Variants in ENKUR observed in about 807,000 individuals in gnomAD.
ENKUR encodes enkurin.
ENKUR carries 19 observed loss-of-function variants against 27.6 expected under a neutral mutation model. That is an observed-to-expected ratio of 0.69 (90% confidence interval 0.48 to 1.01). The LOEUF is 1.01. ENKUR is among the 50% of genes least tolerant of loss of function. The pLI is 0.00. For missense variants in ENKUR, 312 were observed against 310.5 expected (o/e 1.00, Z -0.04); for synonymous variants, 117 against 96.9 (o/e 1.21, Z -1.22).
intron 2 of ENKUR, among the ~76,000 whole-genome samples, chr10:25,029,413 CAAT>C (rs892466184): frequency 6.1e-4 from 93 of 152,130 alleles, no homozygotes; most frequent in African/African-American, 2.2e-3. Flanking sequence ...GTTTAGAAGA[CAAT>C]AAATTGTTTT....
chr10:25,026,698 G>C (rs1048355890), intron 2 of ENKUR: 3 of 155,940 alleles, frequency 1.9e-5, no homozygotes, highest in African/African-American at 7.2e-5. Flanking sequence ...CCACAAGATG[G>C]CATTCCTAAC....
At chr10:25,031,987 A>G (rs929192777) in intron 2 of ENKUR, among the ~76,000 whole-genome samples, 3 of 152,038 alleles carry the variant, frequency 2.0e-5, no homozygotes, top group Non-Finnish European at 2.9e-5. Flanking sequence ...GAATTTAATT[A>G]TAGTTAGAAA....
intron 2 of ENKUR, chr10:25,025,777 G>A (rs182984732): frequency 1.3e-5 from 3 of 229,180 alleles, no homozygotes; most frequent in East Asian, 1.9e-4. Context: ...ACTATTTGGC[G>A]ATTAAAATAT....
At chr10:25,041,073 A>G (rs1355697051) in intron 2 of ENKUR, among the ~76,000 whole-genome samples, 2 of 152,238 alleles carry the variant, frequency 1.3e-5, no homozygotes, top group Admixed American at 1.3e-4. Context: ...TTTAGACAAC[A>G]CTGTAAATAG....
rs1303896016 is a variant in ENKUR, at chr10:24,983,414, A to G, written c.*956T>C. ...GACCTGCTCACAGCAAAGTACTGCT[A>G]TGTTAGCAAGAATTGAATATGTGTT... is the stretch of plus-strand genomic sequence containing the variant. On this transcript the variant is annotated 3_prime_UTR_variant, in exon 6 of 6. Coordinates refer to ENST00000331161, the MANE Select transcript of ENKUR (RefSeq NM_145010.4). 6.6e-6 allele frequency: 1 copy of G among 152,208 alleles called. No homozygotes were observed. The highest frequency in any genetic ancestry group is 6.5e-5 in the Admixed American group (1 of 15,276). 9.4% of individuals were successfully genotyped at this position (152,208 alleles called of 1,614,324 possible). A position where few individuals can be genotyped will look rare whatever the true frequency, so the allele number is the denominator to read the frequency against.
chr10:24,992,878 C>A (rs944843970), intron 3 of ENKUR, among the ~76,000 whole-genome samples: 1 of 152,148 alleles, frequency 6.6e-6, no homozygotes, highest in African/African-American at 2.4e-5. Context: ...TGAGACAGGC[C>A]AATCCACTTC....
intron 2 of ENKUR, among the ~76,000 whole-genome samples, chr10:25,036,415 A>G (rs1469009972): frequency 1.3e-5 from 2 of 152,220 alleles, no homozygotes. Flanking sequence ...TTCTTTAAAA[A>G]TTACCCGATC....
intron 1 of ENKUR, among the ~76,000 whole-genome samples, chr10:25,010,032 G>A (rs548676005): frequency 2.0e-4 from 30 of 152,272 alleles, no homozygotes; most frequent in African/African-American, 7.0e-4. Context: ...ATGTGAAAGC[G>A]ACTTTGGAAC....
chr10:25,041,108 CT>C (rs566335194), intron 2 of ENKUR, among the ~76,000 whole-genome samples: 2 of 152,018 alleles, frequency 1.3e-5, no homozygotes, highest in East Asian at 1.9e-4. Context: ...ATTTTAGTCA[CT>C]TTTTTTTCAT....
intron 1 of ENKUR, among the ~76,000 whole-genome samples, chr10:25,009,171 G>A (rs1850382322): frequency 6.6e-6 from 1 of 151,960 alleles, no homozygotes; most frequent in Non-Finnish European, 1.5e-5. Flanking sequence ...TGAGTTAATG[G>A]GTGCAACACA....
rs549790255 is a variant in ENKUR at position 24,983,745 on chromosome 10, A to G, written c.*625T>C. ...TTGTTTTTTATGTTGTCCAGAGGAT[A>G]AAAACCAGTGTAAGCAGTAGAAATT... On this transcript the variant is annotated 3_prime_UTR_variant, in exon 6 of 6. Transcript: ENST00000331161. 1 of 152,330 alleles carries G rather than the reference A, an allele frequency of 6.6e-6. No homozygotes were observed. Among genetic ancestry groups the G allele is most frequent in the East Asian group, 1.9e-4 (1 of 5,184 alleles). 9.4% of individuals were successfully genotyped at this position (152,330 alleles called of 1,614,324 possible).
chr10:24,994,069 T>C (rs1849985667), intron 3 of ENKUR, among the ~76,000 whole-genome samples: 1 of 152,182 alleles, frequency 6.6e-6, no homozygotes, highest in South Asian at 2.1e-4. Flanking sequence ...TGGGAACTCC[T>C]AGATTCCTGA....
intron 2 of ENKUR, among the ~76,000 whole-genome samples, chr10:25,032,996 A>G (rs1293558954): frequency 6.6e-6 from 1 of 152,196 alleles, no homozygotes; most frequent in Admixed American, 6.5e-5. Context: ...GCAATTAACA[A>G]TCCTGATTAA....
intron 2 of ENKUR, among the ~76,000 whole-genome samples, chr10:25,056,273 T>C (rs1851254609): frequency 6.6e-6 from 1 of 152,208 alleles, no homozygotes; most frequent in Non-Finnish European, 1.5e-5. Flanking sequence ...CTATAGGCTG[T>C]ATACAGAGAT....
chr10:24,989,856 C>T (rs1335986012), intron 4 of ENKUR, among the ~76,000 whole-genome samples: 2 of 152,044 alleles, frequency 1.3e-5, no homozygotes, highest in African/African-American at 4.8e-5. Context: ...ATTAAACGCT[C>T]ATACAAATGA....
chr10:25,028,074 A>G (rs1331859353), intron 2 of ENKUR, among the ~76,000 whole-genome samples: 1 of 152,222 alleles, frequency 6.6e-6, no homozygotes, highest in African/African-American at 2.4e-5. Context: ...CATAGAATCT[A>G]AGATGAATCT....
In ENKUR at chr10:25,015,983, C is replaced by T; in HGVS notation, c.-47G>A. On this transcript the variant is annotated 5_prime_UTR_variant, in exon 1 of 6. Coordinates refer to ENST00000331161, the MANE Select transcript of ENKUR (RefSeq NM_145010.4). ...AAGCTACTCTCCACAACTTTTTTCT[C>T]CCTGTCCCAGTATCTCCGTCCCTTT... 6.3e-7 allele frequency: 1 copy of T among 1,582,966 alleles called. No individual in the cohort carries two copies. Among genetic ancestry groups the T allele is most frequent in the Admixed American group, 1.8e-5 (1 of 54,750 alleles).
At chr10:25,023,112 A>G (rs928287065) in intron 2 of ENKUR, 1 of 1,014,034 alleles carries the variant, frequency 9.9e-7, no homozygotes, top group South Asian at 1.7e-5. Flanking sequence ...GATTTTAACA[A>G]TCTACTGTAA....
chr10:24,986,581 T>C (rs1253969602), intron 4 of ENKUR, among the ~76,000 whole-genome samples: 2 of 152,204 alleles, frequency 1.3e-5, no homozygotes, highest in African/African-American at 4.8e-5. Context: ...TCTATGTATT[T>C]GTACATTTGC....
Sources: gnomAD v4.1 joint callset for allele counts (sites outside exome capture counted in the v4.1 genomes callset) on GRCh38, gnomAD v4.1.1 for gene constraint, MANE v1.5 for transcripts, NCBI Gene and HGNC (gene_info 2026-07-23, HGNC 2026-07-21) for gene names.